The following KDM3A variants were observed in gnomAD, a reference collection of about 807,000 sequenced individuals.
KDM3A encodes the protein lysine demethylase 3A, also known as lysine-specific demethylase 3A.
Under a neutral mutation model 158.0 loss-of-function variants are expected in KDM3A, and 60 were observed. That is an observed-to-expected ratio of 0.38 (90% confidence interval 0.31 to 0.47). The LOEUF (loss-of-function observed/expected upper bound fraction) is 0.47. KDM3A is among the 20% of genes least tolerant of loss of function. The pLI is 0.99. For synonymous variants in KDM3A, 608 were observed against 549.3 expected, an observed-to-expected ratio of 1.11 and a Z score of -1.49; for missense variants, 1,319 against 1,574.3, an observed-to-expected ratio of 0.84 and a Z score of 2.74.
rs529127138 is a variant in KDM3A, at chr2:86,450,005, T to C, written c.342+43T>C. ...TTATTGAACTCCTGAGAAGAGGGCA[T>C]TTTATCCATTGTGGGTACAAAAGGA... On this transcript the variant is annotated intron_variant, in intron 3 of 25. Coordinates refer to ENST00000312912, the MANE Select transcript of KDM3A (RefSeq NM_018433.6). The C allele has an allele frequency of 1.9e-5, 29 of 1,554,992 alleles. No individual in the cohort carries two copies. In the East Asian group the frequency reaches 5.7e-4, roughly 31 times the overall value.
At chr2:86,476,391 A>G (rs570413550) in intron 12 of KDM3A, among the ~76,000 whole-genome samples, 2 of 67,558 alleles carry the variant, frequency 3.0e-5, no homozygotes, top group Admixed American at 2.5e-4. Context: ...CTTTTACAGC[A>G]TAATTAAGAA....
chr2:86,471,305 GTGTATATA>G (rs1327226128), intron 11 of KDM3A, among the ~76,000 whole-genome samples: 2 of 151,438 alleles, frequency 1.3e-5, no homozygotes, highest in Non-Finnish European at 2.9e-5. Context: ...ATGTGTGTAT[GTGTATATA>G]TGTGTATATG....
At position 86,481,952 on chromosome 2, in the gene KDM3A, T is replaced by C. The variant is rs764436720; in HGVS notation, c.2535T>C (p.Ile845=). The change falls in exon 17 of 26, where the codon ATT becomes ATC. Residue 845 remains isoleucine (I), a synonymous_variant. Transcript: ENST00000312912. ...ENKEKQPTMP[I]LKNEIKCLPP... ...TAGAAAAACAACCAACAATGCCAATTTTAAAGAATGAAATCAAATGCCTTC... is the reference window on the plus strand; with the variant it reads ...TAGAAAAACAACCAACAATGCCAATCTTAAAGAATGAAATCAAATGCCTTC... 3 of 1,611,198 alleles carry C rather than the reference T, an allele frequency of 1.9e-6. No homozygotes were observed. The highest frequency in any genetic ancestry group is 3.4e-5 in the Admixed American group (2 of 59,402).
chr2:86,456,931 TCA>T, intron 7 of KDM3A, 50 bp from the exon 8 acceptor site: 1 of 1,570,658 alleles, frequency 6.4e-7, no homozygotes, highest in South Asian at 1.1e-5. Context: ...TCCGTTCTTC[TCA>T]CATTAAGAGA....
In KDM3A at chr2:86,489,508, T is replaced by G; in HGVS notation, c.3434-12T>G. On this transcript the variant is annotated splice_polypyrimidine_tract_variant and intron_variant, in intron 22 of 25. Transcript: ENST00000312912. ...CTTGTGGTCTGATATCTGCTTTCTCTTCTTGCTCTAGAAGTCCTTAAGACC... is the reference window on the plus strand; with the variant it reads ...CTTGTGGTCTGATATCTGCTTTCTCGTCTTGCTCTAGAAGTCCTTAAGACC... 6 of 1,611,778 alleles carry G rather than the reference T, an allele frequency of 3.7e-6. No individual in the cohort carries two copies. Among genetic ancestry groups the G allele is most frequent in the Non-Finnish European group, 5.1e-6 (6 of 1,178,986 alleles).
chr2:86,463,469 C>T (rs1198314429), intron 8 of KDM3A, among the ~76,000 whole-genome samples: 2 of 152,202 alleles, frequency 1.3e-5, no homozygotes, highest in African/African-American at 2.4e-5. Flanking sequence ...GGTGTCCCAA[C>T]TTTGCCCACA....
chr2:86,466,238 A>G, intron 9 of KDM3A, 134 bp from the exon 10 acceptor site: 3 of 899,492 alleles, frequency 3.3e-6, no homozygotes, highest in Non-Finnish European at 3.4e-6. Context: ...TCTATCCTAA[A>G]TTCTGTAACA....
intron 8 of KDM3A, among the ~76,000 whole-genome samples, chr2:86,462,323 A>G (rs137962378): frequency 3.3e-5 from 5 of 152,298 alleles, no homozygotes; most frequent in Non-Finnish European, 7.4e-5. Context: ...TAGTGCATCA[A>G]TTCTAAACAT....
chr2:86,478,345 T>G, intron 14 of KDM3A, 80 bp downstream of exon 14: 1 of 1,074,724 alleles, frequency 9.3e-7, no homozygotes, highest in Admixed American at 2.0e-5. Flanking sequence ...TTTCCTTTAT[T>G]ACTCGTTAAG....
chr2:86,459,157 T>G (rs1302330127), intron 8 of KDM3A, among the ~76,000 whole-genome samples: 1 of 151,862 alleles, frequency 6.6e-6, no homozygotes, highest in Non-Finnish European at 1.5e-5. Context: ...TACTATATAG[T>G]CTCCCAGTAT....
intron 8 of KDM3A, among the ~76,000 whole-genome samples, chr2:86,459,063 A>G (rs935407382): frequency 6.6e-6 from 1 of 152,218 alleles, no homozygotes; most frequent in Non-Finnish European, 1.5e-5. Context: ...TGAAGTAGGT[A>G]GAACAAATGG....
At chr2:86,481,778 G>C (rs1431590306) in intron 16 of KDM3A, 152 bp from the exon 17 acceptor site, 5 of 622,944 alleles carry the variant, frequency 8.0e-6, no homozygotes, top group Non-Finnish European at 1.4e-5. Flanking sequence ...AATCGTCTAA[G>C]TAAATCATAT....
intron 11 of KDM3A, among the ~76,000 whole-genome samples, chr2:86,473,175 T>C (rs1414450254): frequency 6.6e-6 from 1 of 152,240 alleles, no homozygotes; most frequent in Non-Finnish European, 1.5e-5. Flanking sequence ...TATTTATGTT[T>C]AGAGACAGAA....
intron 2 of KDM3A, among the ~76,000 whole-genome samples, chr2:86,447,218 A>G (rs1024161754): frequency 2.0e-5 from 3 of 152,102 alleles, no homozygotes; most frequent in Admixed American, 1.3e-4. Context: ...AAACCAAAAT[A>G]ATGTGATTTT....
chr2:86,477,808 C>T (rs541264322), intron 12 of KDM3A, 69 bp from the exon 13 acceptor site: 1 of 1,445,210 alleles, frequency 6.9e-7, no homozygotes, highest in African/African-American at 1.4e-5. Context: ...GACAATAACC[C>T]CTACCTTTCG....
chr2:86,491,351 G>A (rs1301137835), intron 25 of KDM3A, 76 bp downstream of exon 25: 2 of 1,483,672 alleles, frequency 1.3e-6, no homozygotes, highest in Non-Finnish European at 1.9e-6. Context: ...CTTATAAAGA[G>A]AGTCAGTGAA....
At chr2:86,489,047 C>T (rs1051095354) in intron 21 of KDM3A, 24 of 349,080 alleles carry the variant, frequency 6.9e-5, no homozygotes, top group African/African-American at 5.1e-4. Context: ...CCTGAGCTCA[C>T]TTGATCTAGC....
intron 17 of KDM3A, 36 bp downstream of exon 17, chr2:86,482,138 G>T (rs1247841356): frequency 6.3e-7 from 1 of 1,593,260 alleles, no homozygotes. Flanking sequence ...ATGTTTTAAA[G>T]TTGAAGACAG....
At chr2:86,469,692 A>G (rs1427752748) in intron 10 of KDM3A, among the ~76,000 whole-genome samples, 1 of 152,184 alleles carries the variant, frequency 6.6e-6, no homozygotes, top group East Asian at 1.9e-4. Flanking sequence ...CTCTAACTCC[A>G]TAGACCCAGG....
Sources: gnomAD v4.1 joint callset for allele counts (sites outside exome capture counted in the v4.1 genomes callset) on GRCh38, gnomAD v4.1.1 for gene constraint, MANE v1.5 for transcripts, NCBI Gene and HGNC (gene_info 2026-07-23, HGNC 2026-07-21) for gene names.